The following LIN54 variants were observed in gnomAD, a reference collection of about 807,000 sequenced individuals.
LIN54 encodes lin-54 DREAM MuvB core complex component.
Under a neutral mutation model 78.7 loss-of-function variants are expected in LIN54, and 9 were observed. The ratio of observed to expected loss-of-function variants is 0.11; its 90% CI spans 0.07 to 0.20. The LOEUF is 0.20. LIN54 is among the 10% of genes least tolerant of loss of function. The pLI is 1.00. For missense variants in LIN54, 573 were observed against 889.9 expected (o/e 0.64, Z 4.53); for synonymous variants, 269 against 318.4 (o/e 0.84, Z 1.65).
chr4:82,935,431 G>A (rs929638375), intron 11 of LIN54, among the ~76,000 whole-genome samples: 4 of 151,860 alleles, frequency 2.6e-5, no homozygotes. Flanking sequence ...TGGGATTACA[G>A]GCACCTGCCA....
intron 4 of LIN54, among the ~76,000 whole-genome samples, chr4:82,964,430 C>A (rs1725048573): frequency 1.3e-5 from 2 of 152,134 alleles, no homozygotes; most frequent in Non-Finnish European, 2.9e-5. Flanking sequence ...AGTGGGAATC[C>A]TTGTTCAACA....
chr4:82,937,220 C>T lies in LIN54; in HGVS notation c.1604+7G>A. On this transcript the variant is annotated splice_region_variant and intron_variant, in intron 9 of 12. Coordinates refer to ENST00000340417, the MANE Select transcript of LIN54 (RefSeq NM_194282.4). ...TTAAATAAGCAAACAGTTGCAAAAACACTTACAATTTCAAACACAGTGATT... is the reference window on the plus strand; with the variant it reads ...TTAAATAAGCAAACAGTTGCAAAAATACTTACAATTTCAAACACAGTGATT... 8.0e-7 allele frequency: 1 copy of T among 1,256,872 alleles called. No homozygotes were observed. The highest frequency in any genetic ancestry group is 1.2e-6 in the Non-Finnish European group (1 of 854,850). 77.9% of individuals were successfully genotyped at this position (1,256,872 alleles called of 1,614,324 possible). A position where few individuals can be genotyped will look rare whatever the true frequency, so the allele number is the denominator to read the frequency against.
chr4:82,959,245 C>A (rs1298899524), intron 4 of LIN54, among the ~76,000 whole-genome samples: 1 of 151,992 alleles, frequency 6.6e-6, no homozygotes. Flanking sequence ...TGTCTGTAAT[C>A]CCAGCAACTC....
At chr4:82,930,477 T>C (rs1451264305) in intron 12 of LIN54, among the ~76,000 whole-genome samples, 2 of 152,130 alleles carry the variant, frequency 1.3e-5, no homozygotes, top group Admixed American at 6.5e-5. Context: ...TACCTGACTT[T>C]AGAGGTCAGG....
intron 1 of LIN54, among the ~76,000 whole-genome samples, chr4:83,001,908 AGGG>A (rs1299354028): frequency 0.15 from 265 of 1,766 alleles, 83 homozygotes; most frequent in East Asian, 0.55. Context: ...GGAGGGAGGG[AGGG>A]AGGGAGGGAG....
At chr4:82,998,510 C>T (rs576379673) in intron 1 of LIN54, among the ~76,000 whole-genome samples, 7 of 86,362 alleles carry the variant, frequency 8.1e-5, no homozygotes, top group Admixed American at 4.8e-4. Flanking sequence ...AGCTCCAACT[C>T]GGGCGACGGT....
At chr4:82,984,105 C>G (rs9994716) in intron 2 of LIN54, 56 bp downstream of exon 2, 628,902 of 1,195,652 alleles carry the variant, frequency 0.53, 173,257 homozygotes, top group Admixed American at 0.66. Context: ...AACTATGAAT[C>G]AGTTAAATTT....
At chr4:82,997,994 CAA>C (rs58344267) in intron 1 of LIN54, among the ~76,000 whole-genome samples, 44,991 of 104,958 alleles carry the variant, frequency 0.43, 8,554 homozygotes, top group African/African-American at 0.54. Flanking sequence ...AACTCCATCT[CAA>C]AAAAAAAAAA....
intron 4 of LIN54, among the ~76,000 whole-genome samples, chr4:82,958,890 C>T (rs757031685): frequency 2.6e-5 from 4 of 152,004 alleles, no homozygotes; most frequent in East Asian, 3.9e-4. Context: ...TTAGTAGAGA[C>T]GGGGTTTCAC....
At chr4:82,990,704 C>T (rs1320096353) in intron 1 of LIN54, among the ~76,000 whole-genome samples, 2 of 152,044 alleles carry the variant, frequency 1.3e-5, no homozygotes, top group African/African-American at 4.8e-5. Flanking sequence ...AGGATGGTCT[C>T]GATCTCCTGA....
At chr4:82,941,016 T>C (rs1375780625) in intron 5 of LIN54, among the ~76,000 whole-genome samples, 1 of 152,178 alleles carries the variant, frequency 6.6e-6, no homozygotes, top group African/African-American at 2.4e-5. Context: ...ATTGTAGCCA[T>C]TGTTTCAGGA....
chr4:82,947,774 T>A (rs1010133721), intron 4 of LIN54, among the ~76,000 whole-genome samples: 9 of 152,070 alleles, frequency 5.9e-5, no homozygotes, highest in Admixed American at 5.2e-4. Flanking sequence ...TAACCAGATA[T>A]ATAGTATTAT....
intron 5 of LIN54, 44 bp downstream of exon 5, chr4:82,946,214 A>T (rs757717885): frequency 2.7e-6 from 4 of 1,463,854 alleles, no homozygotes; most frequent in South Asian, 2.3e-5. Context: ...TTCTTTAATC[A>T]TGTTAAAAGC....
upstream of LIN54, among the ~76,000 whole-genome samples, chr4:83,011,491 T>C (rs1169425336): frequency 6.6e-6 from 1 of 152,214 alleles, no homozygotes; most frequent in African/African-American, 2.4e-5. Flanking sequence ...ATTGAACTAA[T>C]TGTAGAAACA....
Position 82,938,496 on chromosome 4 carries a change from C to T in LIN54, c.1449G>A (p.Gln483=), listed in dbSNP as rs1722578175. 6.3e-7 allele frequency: 1 copy of T among 1,588,798 alleles called. No individual in the cohort carries two copies. The highest frequency in any genetic ancestry group is 8.6e-7 in the Non-Finnish European group (1 of 1,158,022). The change falls in exon 8 of 13, where the codon CAG becomes CAA. Residue 483 remains glutamine (Q), a synonymous_variant. Transcript: ENST00000340417. The stretch of plus-strand genomic sequence containing the variant: ...TGCTTGCTATTGATACATATGAAGA[C>T]TGCTGTAGCTACATGTAAAGAAAAT... ...LPAQYVTQLQ[Q]SSYVSIASNS...
At chr4:82,992,665 C>T (rs1191429652) in intron 1 of LIN54, among the ~76,000 whole-genome samples, 1 of 152,194 alleles carries the variant, frequency 6.6e-6, no homozygotes, top group African/African-American at 2.4e-5. Flanking sequence ...AGCAATCCTC[C>T]TGCCTCAGCC....
chr4:82,927,731 C>A lies in LIN54; in HGVS notation c.*371G>T, dbSNP rs1721594453. ...TCAAGTCCCAAAGAATGGGTGCTAA[C>A]CACTGCTGCTTTGGCTTTTCTATTA... On this transcript the variant is annotated 3_prime_UTR_variant, in exon 13 of 13. Transcript: ENST00000340417. The A allele has an allele frequency of 1.7e-5, 3 of 177,728 alleles. No homozygotes were observed. The South Asian group carries it at 4.0e-4, about 24-fold the overall frequency. 11.0% of individuals were successfully genotyped at this position (177,728 alleles called of 1,614,324 possible).
chr4:82,985,784 A>G (rs1435077178), intron 1 of LIN54, among the ~76,000 whole-genome samples: 1 of 152,100 alleles, frequency 6.6e-6, no homozygotes, highest in Non-Finnish European at 1.5e-5. Context: ...CGGGTGATCC[A>G]CCTGCCTCGG....
Position 82,964,200 on chromosome 4 carries a change from G to A in LIN54, c.951+6127C>T, listed in dbSNP as rs1725028859. On this transcript the variant is annotated intron_variant, in intron 4 of 12. Coordinates refer to ENST00000340417, the MANE Select transcript of LIN54 (RefSeq NM_194282.4). ...CAAGTAGCTGGGACTACAGGCGTGTGCCACCACACCTGGGTAATTTTTGTA... is the reference window on the plus strand; with the variant it reads ...CAAGTAGCTGGGACTACAGGCGTGTACCACCACACCTGGGTAATTTTTGTA... 2.6e-5 allele frequency among the ~76,000 whole-genome samples: 4 copies of A among 152,120 alleles called. 1 individual carries two copies. In the South Asian group the frequency reaches 8.3e-4, roughly 32 times the overall value.
Sources: allele counts gnomAD v4.1 joint callset (sites outside exome capture counted in the v4.1 genomes callset), GRCh38; gene constraint gnomAD v4.1.1; transcripts MANE v1.5; gene names NCBI Gene and HGNC (gene_info 2026-07-23, HGNC 2026-07-21).